ACAP2: variants seen among roughly 807,000 people sequenced by gnomAD.
ACAP2 encodes arf-GAP with coiled-coil, ANK repeat and PH domain-containing protein 2.
ACAP2 carries 39 observed loss-of-function variants against 115.8 expected under a neutral mutation model. The ratio of observed to expected loss-of-function variants is 0.34; its 90% confidence interval spans 0.26 to 0.44. The LOEUF is 0.44. ACAP2 is among the 20% of genes least tolerant of loss of function. The pLI is 1.00. For synonymous variants in ACAP2, 289 were observed against 315.8 expected, an observed-to-expected ratio of 0.92 and a Z score of 0.90; for missense variants, 662 against 927.6, an observed-to-expected ratio of 0.71 and a Z score of 3.72.
intron 6 of ACAP2, among the ~76,000 whole-genome samples, chr3:195,341,271 T>C (rs1292818365): frequency 6.6e-6 from 1 of 151,502 alleles, no homozygotes; most frequent in East Asian, 1.9e-4. Context: ...ACTTACCAAA[T>C]ACAGATTTCT....
At chr3:195,415,120 A>G (rs931939327) in intron 1 of ACAP2, among the ~76,000 whole-genome samples, 6 of 152,134 alleles carry the variant, frequency 3.9e-5, no homozygotes, top group African/African-American at 1.4e-4. Flanking sequence ...ACTTTGGGTG[A>G]TAATAATGTA....
At chr3:195,391,960 A>C (rs1225838261) in intron 2 of ACAP2, 130 bp downstream of exon 2, 1 of 675,878 alleles carries the variant, frequency 1.5e-6, no homozygotes, top group African/African-American at 1.9e-5. Flanking sequence ...ATGCCACTGC[A>C]CTTCAGCCTG....
At position 195,442,867 on chromosome 3, in the gene ACAP2, C is replaced by A; in HGVS notation, c.-20G>T. The A allele has an allele frequency of 5.3e-6, 8 of 1,511,936 alleles. No homozygotes were observed. The highest frequency in any genetic ancestry group is 6.2e-6 in the Non-Finnish European group (7 of 1,130,304). 93.7% of individuals were successfully genotyped at this position (1,511,936 alleles called of 1,614,324 possible). ...CTTCATCCTGCCTCCGCCTCGCAGGCGGCGCTGGCAAAGCCGAGGGGGCCG... is the reference window on the plus strand; with the variant it reads ...CTTCATCCTGCCTCCGCCTCGCAGGAGGCGCTGGCAAAGCCGAGGGGGCCG... On this transcript the variant is annotated 5_prime_UTR_variant, in exon 1 of 23. Transcript: ENST00000326793.
intron 1 of ACAP2, among the ~76,000 whole-genome samples, chr3:195,438,039 T>TTTC (rs1715699638): frequency 6.7e-6 from 1 of 149,586 alleles, no homozygotes; most frequent in East Asian, 2.0e-4. Flanking sequence ...CTTTTTTTTT[T>TTTC]TTTTGAGATG....
At chr3:195,292,221 A>T (rs776288658) in intron 19 of ACAP2, 44 bp downstream of exon 19, 15 of 1,507,098 alleles carry the variant, frequency 1.0e-5, no homozygotes, top group Middle Eastern at 1.8e-4. Context: ...GATTTTTTTT[A>T]AATATTTGAT....
At chr3:195,292,871 G>A (rs1727355862) in intron 18 of ACAP2, among the ~76,000 whole-genome samples, 2 of 131,376 alleles carry the variant, frequency 1.5e-5, no homozygotes, top group African/African-American at 5.8e-5. Flanking sequence ...GCAGTGAGCT[G>A]AGATTGCACC....
intron 4 of ACAP2, among the ~76,000 whole-genome samples, chr3:195,365,535 C>T (rs1274989196): frequency 2.0e-5 from 3 of 151,686 alleles, no homozygotes; most frequent in Admixed American, 1.3e-4. Context: ...CCCCTGCACT[C>T]GAGCCTGAGT....
intron 4 of ACAP2, among the ~76,000 whole-genome samples, chr3:195,376,705 T>A (rs1298317102): frequency 6.6e-6 from 1 of 152,186 alleles, no homozygotes; most frequent in Non-Finnish European, 1.5e-5. Context: ...ACAATCTGAC[T>A]CCAACATATG....
chr3:195,436,402 G>A (rs1715545682), intron 1 of ACAP2, among the ~76,000 whole-genome samples: 1 of 152,038 alleles, frequency 6.6e-6, no homozygotes, highest in Non-Finnish European at 1.5e-5. Flanking sequence ...CCAAAGTGCT[G>A]GGATTACAGG....
chr3:195,334,163 C>T (rs1217039311), intron 7 of ACAP2, among the ~76,000 whole-genome samples: 8 of 150,818 alleles, frequency 5.3e-5, no homozygotes, highest in Admixed American at 3.3e-4. Flanking sequence ...AATTTTCTGA[C>T]GTCTAAAACA....
At chr3:195,436,142 T>C (rs1357694433) in intron 1 of ACAP2, among the ~76,000 whole-genome samples, 1 of 150,700 alleles carries the variant, frequency 6.6e-6, no homozygotes, top group Non-Finnish European at 1.5e-5. Flanking sequence ...TATTTTTTTT[T>C]TTTGGAGACA....
At chr3:195,406,869 T>C (rs963433439) in intron 1 of ACAP2, among the ~76,000 whole-genome samples, 4 of 152,200 alleles carry the variant, frequency 2.6e-5, no homozygotes, top group Admixed American at 2.0e-4. Context: ...ATTCAAAATA[T>C]GTTGTGTCTG....
At chr3:195,349,075 A>C (rs1173683788) in intron 4 of ACAP2, among the ~76,000 whole-genome samples, 2 of 152,238 alleles carry the variant, frequency 1.3e-5, no homozygotes, top group Admixed American at 6.5e-5. Context: ...CTGCAAAAAA[A>C]AAACTGCTAA....
chr3:195,351,511 G>A (rs574771210), intron 4 of ACAP2, among the ~76,000 whole-genome samples: 2 of 150,460 alleles, frequency 1.3e-5, no homozygotes, highest in East Asian at 2.0e-4. Context: ...TGTCACCCTG[G>A]AGTGCAGTGG....
At chr3:195,405,923 A>C (rs1712733745) in intron 1 of ACAP2, among the ~76,000 whole-genome samples, 1 of 152,154 alleles carries the variant, frequency 6.6e-6, no homozygotes, top group Non-Finnish European at 1.5e-5. Flanking sequence ...GAACTTCATC[A>C]CAAGAACAGC....
chr3:195,338,247 G>A (rs1490846937), intron 6 of ACAP2, among the ~76,000 whole-genome samples: 1 of 152,134 alleles, frequency 6.6e-6, no homozygotes, highest in Non-Finnish European at 1.5e-5. Context: ...AGCTGTAGTG[G>A]CACACACTAA....
chr3:195,437,747 G>C (rs1233394843), intron 1 of ACAP2, among the ~76,000 whole-genome samples: 1 of 149,104 alleles, frequency 6.7e-6, no homozygotes, highest in Non-Finnish European at 1.5e-5. Flanking sequence ...CCAGGGAGGT[G>C]GAGGTTGCAG....
At position 195,295,664 on chromosome 3, in the gene ACAP2, G is replaced by A. The variant is rs147319608; in HGVS notation, c.1672+44C>T. The A allele has an allele frequency of 2.6e-3, 4,113 of 1,602,590 alleles. 75 individuals carry two copies. In the African/African-American group the frequency reaches 0.041, roughly 16 times the overall value. On this transcript the variant is annotated intron_variant, in intron 17 of 22. Coordinates refer to ENST00000326793, the MANE Select transcript of ACAP2 (RefSeq NM_012287.6). ...TTCAGGGATTATAAAAGTGATTTGA[G>A]CTTAAGAAAATAGCTATAGACACAG...
chr3:195,407,805 G>C (rs975629949), intron 1 of ACAP2, among the ~76,000 whole-genome samples: 1 of 151,924 alleles, frequency 6.6e-6, no homozygotes, highest in Non-Finnish European at 1.5e-5. Context: ...TGGAAAGAAA[G>C]ATTACAGCAA....
Sources: gnomAD v4.1 joint callset for allele counts (sites outside exome capture counted in the v4.1 genomes callset) on GRCh38, gnomAD v4.1.1 for gene constraint, MANE v1.5 for transcripts, NCBI Gene and HGNC (gene_info 2026-07-23, HGNC 2026-07-21) for gene names.